Variants in NEO1 observed in about 807,000 individuals in gnomAD.
NEO1 encodes the protein neogenin 1.
A neutral mutation model predicts 159.7 loss-of-function variants in NEO1; 63 were observed. The ratio of observed to expected loss-of-function variants is 0.39; its 90% CI spans 0.32 to 0.49. NEO1 has a LOEUF of 0.49. Ranked by LOEUF, NEO1 falls within the 20% of genes least tolerant of loss-of-function variation. The probability of loss-of-function intolerance (pLI) is 0.85; values close to 1 mark genes in which losing one functional copy is unlikely to be tolerated. For missense variants in NEO1, 1,615 were observed against 1,831.0 expected, an observed-to-expected ratio of 0.88 and a Z score of 2.15; for synonymous variants, 633 against 662.0, an observed-to-expected ratio of 0.96 and a Z score of 0.67.
chr15:73,134,501 G>A (rs575901656), intron 4 of NEO1, among the ~76,000 whole-genome samples: 1 of 151,736 alleles, frequency 6.6e-6, no homozygotes, highest in African/African-American at 2.4e-5. Context: ...TTATAAATGT[G>A]GCCAAGACTG....
At chr15:73,283,798 A>G (rs1240407565) in intron 23 of NEO1, among the ~76,000 whole-genome samples, 2 of 152,226 alleles carry the variant, frequency 1.3e-5, no homozygotes, top group Non-Finnish European at 2.9e-5. Context: ...ACATTCTTAC[A>G]GGCTGTGTCA....
At chr15:73,097,995 T>G (rs1392693543) in intron 1 of NEO1, among the ~76,000 whole-genome samples, 1 of 152,070 alleles carries the variant, frequency 6.6e-6, no homozygotes, top group Non-Finnish European at 1.5e-5. Flanking sequence ...TTAATGTTAC[T>G]GATTTTTACA....
intron 7 of NEO1, among the ~76,000 whole-genome samples, chr15:73,220,242 A>G (rs2038156535): frequency 6.6e-6 from 1 of 152,136 alleles, no homozygotes; most frequent in Non-Finnish European, 1.5e-5. Flanking sequence ...AAGAATGTTG[A>G]ATATTGGCCC....
chr15:73,301,583 CT>C, intron 28 of NEO1, 126 bp downstream of exon 28: 1 of 1,245,608 alleles, frequency 8.0e-7, no homozygotes, highest in Non-Finnish European at 1.1e-6. Flanking sequence ...AGCAGATACA[CT>C]CATTCATTCA....
intron 1 of NEO1, 21 bp from the exon 2 acceptor site, chr15:73,116,519 T>G: frequency 6.7e-7 from 1 of 1,500,476 alleles, no homozygotes. Context: ...TTAACTTTGT[T>G]CTTTTTCTTT....
intron 1 of NEO1, among the ~76,000 whole-genome samples, chr15:73,083,877 G>A (rs2069207054): frequency 6.6e-6 from 1 of 152,040 alleles, no homozygotes; most frequent in Admixed American, 6.6e-5. Context: ...CAAGTATTCA[G>A]GTGTCTGCCT....
chr15:73,292,262 C>A (rs2151143395), intron 25 of NEO1, among the ~76,000 whole-genome samples: 1 of 152,272 alleles, frequency 6.6e-6, no homozygotes, highest in Admixed American at 6.5e-5. Flanking sequence ...TGTTGAATAG[C>A]CCCACAAAGA....
chr15:73,266,480 GC>G, intron 16 of NEO1, 69 bp downstream of exon 16: 1 of 1,187,304 alleles, frequency 8.4e-7, no homozygotes, highest in Non-Finnish European at 1.2e-6. Flanking sequence ...TTGGCATGAG[GC>G]CTATCCCATA....
chr15:73,153,297 T>A (rs2033525293), intron 5 of NEO1, among the ~76,000 whole-genome samples: 1 of 152,184 alleles, frequency 6.6e-6, no homozygotes, highest in Non-Finnish European at 1.5e-5. Context: ...TAACCAGATA[T>A]CTAGGCATGC....
At chr15:73,136,442 AC>A (rs1469580816) in intron 5 of NEO1, among the ~76,000 whole-genome samples, 1 of 151,978 alleles carries the variant, frequency 6.6e-6, no homozygotes, top group African/African-American at 2.4e-5. Flanking sequence ...TGGAAGATTC[AC>A]TTTTCTTGTC....
intron 27 of NEO1, among the ~76,000 whole-genome samples, chr15:73,301,075 C>T (rs559537143): frequency 6.6e-6 from 1 of 152,302 alleles, no homozygotes; most frequent in South Asian, 2.1e-4. Flanking sequence ...TTGTGGACTA[C>T]CACACTTTGA....
chr15:73,126,408 T>A lies in NEO1; in HGVS notation c.725-9T>A. On this transcript the variant is annotated splice_polypyrimidine_tract_variant and intron_variant, in intron 3 of 28. Transcript: ENST00000261908. The stretch of plus-strand genomic sequence containing the variant: ...AATTATTGTCTTTGTTAATTTTTTT[T>A]TTTTTTAGATCCTGAGGTGATATCA... The A allele has an allele frequency of 6.4e-7, 1 of 1,573,838 alleles. No individual in the cohort carries two copies. The highest frequency in any genetic ancestry group is 1.2e-5 in the South Asian group (1 of 84,010).
chr15:73,176,006 C>T (rs2035262327), intron 5 of NEO1, among the ~76,000 whole-genome samples: 1 of 152,148 alleles, frequency 6.6e-6, no homozygotes. Context: ...ATCAAGCTGA[C>T]TGAAAAGGAA....
At chr15:73,241,830 A>AT (rs1307583724) in intron 8 of NEO1, among the ~76,000 whole-genome samples, 6 of 152,008 alleles carry the variant, frequency 3.9e-5, no homozygotes, top group African/African-American at 7.2e-5. Flanking sequence ...CCTATGACTG[A>AT]TTTTTTTTAA....
intron 7 of NEO1, among the ~76,000 whole-genome samples, chr15:73,178,766 TA>T (rs2035429831): frequency 6.6e-6 from 1 of 152,178 alleles, no homozygotes; most frequent in Non-Finnish European, 1.5e-5. Flanking sequence ...TATACACTTT[TA>T]TTAATACACT....
At chr15:73,197,215 C>T (rs140967452) in intron 7 of NEO1, among the ~76,000 whole-genome samples, 2 of 152,036 alleles carry the variant, frequency 1.3e-5, no homozygotes, top group African/African-American at 4.8e-5. Flanking sequence ...AAAAATTAGC[C>T]GGGTGTGGTA....
In NEO1 at chr15:73,249,041, C is replaced by G; in HGVS notation, c.1607-19C>G. The G allele has an allele frequency of 3.1e-6, 5 of 1,612,352 alleles. No individual in the cohort carries two copies. The highest frequency in any genetic ancestry group is 4.2e-6 in the Non-Finnish European group (5 of 1,179,014). ...TAGCATTTCATTTATATCTTGCTTT[C>G]TCGAACTTTTCTTTCTAGTTCAGCT... is the stretch of plus-strand genomic sequence containing the variant. On this transcript the variant is annotated intron_variant, in intron 9 of 28. Coordinates refer to ENST00000261908, the MANE Select transcript of NEO1 (RefSeq NM_002499.4).
At position 73,088,164 on chromosome 15, in the gene NEO1, AT is replaced by A. The variant is rs1320533723; in HGVS notation, c.131-28374del. Among the ~76,000 whole-genome samples, 7 of 152,090 alleles carry A rather than the reference AT, an allele frequency of 4.6e-5. No individual in the cohort carries two copies. In the East Asian group the frequency reaches 1.2e-3, roughly 25 times the overall value. On this transcript the variant is annotated intron_variant, in intron 1 of 28. Coordinates refer to ENST00000261908, the MANE Select transcript of NEO1 (RefSeq NM_002499.4). ...TAGTAATATATATCTGACTATGCAT[AT>A]TCATATTTTTTTTTAAAGGAAGGAG...
Position 73,211,303 on chromosome 15 carries a change from C to T in NEO1, c.1292-25044C>T, listed in dbSNP as rs114336070. On this transcript the variant is annotated intron_variant, in intron 7 of 28. Transcript: ENST00000261908. ...AAATGGGATGAGCCCCATAATTGCC[C>T]TCCCAGCTTTCCGCTTGGAGCCACT... 5.1e-3 allele frequency among the ~76,000 whole-genome samples: 778 copies of T among 152,332 alleles called. 6 individuals carry two copies. The highest frequency in any genetic ancestry group is 8.2e-3 in the African/African-American group (341 of 41,578).
Sources: allele counts gnomAD v4.1 joint callset (sites outside exome capture counted in the v4.1 genomes callset), GRCh38; gene constraint gnomAD v4.1.1; transcripts MANE v1.5; gene names NCBI Gene and HGNC (gene_info 2026-07-23, HGNC 2026-07-21).